MCUB: variants seen among roughly 807,000 people sequenced by gnomAD.
The protein encoded by MCUB is mitochondrial calcium uniporter dominant negative subunit beta.
A neutral mutation model predicts 41.4 loss-of-function variants in MCUB; 46 were observed. The observed-to-expected ratio is 1.11, with a 90% CI of 0.88 to 1.42. MCUB has a LOEUF of 1.42. Ranked by LOEUF, MCUB falls within the 40% of genes most tolerant of loss-of-function variation. The probability of loss-of-function intolerance (pLI) is 0.00; values close to 1 mark genes in which losing one functional copy is unlikely to be tolerated. For missense variants in MCUB, 403 were observed against 404.9 expected (o/e 1.00, Z 0.04); for synonymous variants, 148 against 148.2 (o/e 1.00, Z 0.01).
At chr4:109,610,122 G>A (rs1197615269) in intron 1 of MCUB, among the ~76,000 whole-genome samples, 2 of 152,134 alleles carry the variant, frequency 1.3e-5, no homozygotes, top group Non-Finnish European at 1.5e-5. Context: ...AGGGTCTTCG[G>A]TCAGCTCATG....
chr4:109,576,166 A>G (rs1727022194), intron 1 of MCUB, among the ~76,000 whole-genome samples: 2 of 152,222 alleles, frequency 1.3e-5, no homozygotes, highest in African/African-American at 2.4e-5. Context: ...CGAAATACGG[A>G]TCAAGAGGAC....
At chr4:109,663,816 G>A (rs1190604802) in intron 3 of MCUB, among the ~76,000 whole-genome samples, 1 of 152,154 alleles carries the variant, frequency 6.6e-6, no homozygotes, top group African/African-American at 2.4e-5. Context: ...CATGCTGGAA[G>A]TGGCAGAAGA....
intron 1 of MCUB, among the ~76,000 whole-genome samples, chr4:109,626,842 AAAAG>A (rs1412556480): frequency 2.8e-4 from 38 of 137,210 alleles, no homozygotes; most frequent in African/African-American, 8.5e-4. Context: ...AAAAAAAAAA[AAAAG>A]GAAGCCTGGA....
chr4:109,603,557 A>G (rs1168639505), intron 1 of MCUB, among the ~76,000 whole-genome samples: 1 of 145,368 alleles, frequency 6.9e-6, no homozygotes, highest in Non-Finnish European at 1.5e-5. Context: ...CTGGCTGCCC[A>G]TCGTCTGGGA....
At chr4:109,580,342 G>A (rs746885082) in intron 1 of MCUB, among the ~76,000 whole-genome samples, 14 of 152,250 alleles carry the variant, frequency 9.2e-5, no homozygotes, top group African/African-American at 1.7e-4. Flanking sequence ...ATAAACATAC[G>A]TGTGCATGTG....
At chr4:109,586,645 T>G (rs933571154) in intron 1 of MCUB, among the ~76,000 whole-genome samples, 3 of 152,194 alleles carry the variant, frequency 2.0e-5, no homozygotes, top group Non-Finnish European at 4.4e-5. Flanking sequence ...TTGGTGTGGA[T>G]GTCCTTTTTG....
At chr4:109,637,813 A>T (rs1197690445) in intron 1 of MCUB, among the ~76,000 whole-genome samples, 1 of 152,188 alleles carries the variant, frequency 6.6e-6, no homozygotes, top group Non-Finnish European at 1.5e-5. Context: ...TGGGTAATGA[A>T]TGCACCAAAA....
chr4:109,608,819 T>C (rs1489347417), intron 1 of MCUB, among the ~76,000 whole-genome samples: 3 of 152,282 alleles, frequency 2.0e-5, no homozygotes, highest in East Asian at 1.9e-4. Context: ...TAGGTATTTA[T>C]TGTAGTCTTT....
At chr4:109,681,437 A>T (rs1729714323) in intron 4 of MCUB, 1 of 453,370 alleles carries the variant, frequency 2.2e-6, no homozygotes, top group Non-Finnish European at 4.4e-6. Flanking sequence ...TCTGGTAGAG[A>T]GTGTTACCGG....
intron 5 of MCUB, chr4:109,682,949 G>A (rs1729753548): frequency 2.1e-6 from 1 of 470,280 alleles, no homozygotes; most frequent in Non-Finnish European, 3.8e-6. Flanking sequence ...ATACATGGTA[G>A]AGCCTGGACT....
chr4:109,669,323 G>T lies in MCUB; in HGVS notation c.451+4929G>T, dbSNP rs4698775. ...TTTTAGGCTGCTTTGTTTTTTTCTC[G>T]GAATGCTAAATATTTTATCCCACTT... On this transcript the variant is annotated intron_variant, in intron 4 of 7. Transcript: ENST00000394650. Among the ~76,000 whole-genome samples the T allele has an allele frequency of 0.76, 116,048 of 152,102 alleles. 45,287 individuals are homozygous for T. The highest frequency in any genetic ancestry group is 0.94 in the African/African-American group (38,944 of 41,570).
chr4:109,642,939 G>A (rs72674829), intron 1 of MCUB, among the ~76,000 whole-genome samples: 33,649 of 135,926 alleles, frequency 0.25, 4,749 homozygotes, highest in South Asian at 0.34. Flanking sequence ...ACCATCACCC[G>A]GGCTGGAGTG....
rs10488887 is a variant in MCUB at position 109,673,930 on chromosome 4, G to A, written c.452-8652G>A. 3.9e-4 allele frequency: 308 copies of A among 783,882 alleles called. 1 individual carries two copies. The African/African-American group carries it at 4.0e-3, about 10-fold the overall frequency. The allele number at this position is 783,882 out of a possible 1,614,324, so 48.6% of individuals were successfully genotyped here. A position where few individuals can be genotyped will look rare whatever the true frequency, so the allele number is the denominator to read the frequency against. On this transcript the variant is annotated intron_variant, in intron 4 of 7. Coordinates refer to ENST00000394650, the MANE Select transcript of MCUB (RefSeq NM_017918.5). ...TCGAAAAGCTAAAGAGGCACCATTC[G>A]TACCCATTGGAATAGCAGGTTTTGC...
chr4:109,641,153 C>T (rs946108956), intron 1 of MCUB, among the ~76,000 whole-genome samples: 14 of 151,988 alleles, frequency 9.2e-5, no homozygotes, highest in Admixed American at 8.5e-4. Flanking sequence ...CCCCGGCTGG[C>T]GTGATGTTGG....
intron 1 of MCUB, among the ~76,000 whole-genome samples, chr4:109,567,914 G>A (rs1306587329): frequency 4.6e-5 from 7 of 152,076 alleles, no homozygotes; most frequent in Non-Finnish European, 1.0e-4. Context: ...GGTCAGGCTG[G>A]TCTTGAACTG....
At chr4:109,639,762 A>G (rs963956096) in intron 1 of MCUB, among the ~76,000 whole-genome samples, 2 of 152,230 alleles carry the variant, frequency 1.3e-5, no homozygotes, top group Non-Finnish European at 2.9e-5. Flanking sequence ...GGTTGCGTGT[A>G]TAGAACACAG....
At chr4:109,578,708 G>A (rs546628842) in intron 1 of MCUB, among the ~76,000 whole-genome samples, 4 of 152,152 alleles carry the variant, frequency 2.6e-5, no homozygotes, top group Admixed American at 2.0e-4. Context: ...AGGTCTCACT[G>A]TGTTCACACG....
intron 1 of MCUB, among the ~76,000 whole-genome samples, chr4:109,619,007 CCTACCTACCTAT>C (rs1728190639): frequency 7.1e-6 from 1 of 140,322 alleles, no homozygotes; most frequent in African/African-American, 2.6e-5. Flanking sequence ...AACCTACCTA[CCTACCTACCTAT>C]CTACCTGCCT....
At chr4:109,607,675 G>GT (rs967588193) in intron 1 of MCUB, among the ~76,000 whole-genome samples, 45 of 152,148 alleles carry the variant, frequency 3.0e-4, no homozygotes, top group African/African-American at 4.3e-4. Flanking sequence ...AGGGTTAAAA[G>GT]TTTTTTTTCC....
Sources: allele counts gnomAD v4.1 joint callset (sites outside exome capture counted in the v4.1 genomes callset), GRCh38; gene constraint gnomAD v4.1.1; transcripts MANE v1.5; gene names NCBI Gene and HGNC (gene_info 2026-07-23, HGNC 2026-07-21).